The following MTAP variants were observed in gnomAD, a reference collection of about 807,000 sequenced individuals.
MTAP encodes the protein S-methyl-5'-thioadenosine phosphorylase.
MTAP carries 33 observed loss-of-function variants against 33.6 expected under a neutral mutation model. That is an observed-to-expected ratio of 0.98 (90% CI 0.74 to 1.31). The LOEUF (loss-of-function observed/expected upper bound fraction) is 1.31, where lower values mean the gene tolerates loss of function less well. Among genes scored for constraint, MTAP ranks in the 40% most tolerant of loss-of-function variants. The pLI, the probability that MTAP is intolerant of heterozygous loss-of-function variation, is 0.00. For synonymous variants in MTAP, 148 were observed against 125.7 expected (o/e 1.18, Z -1.19); for missense variants, 367 against 360.0 (o/e 1.02, Z -0.16).
At chr9:21,867,210 C>A (rs1825866362), downstream of MTAP, 1 of 152,134 alleles carries the variant, frequency 6.6e-6, no homozygotes, top group Non-Finnish European at 1.5e-5. Context: ...GGACCTTCAA[C>A]CTAATGTTGA....
In MTAP at chr9:21,862,249, TACA is replaced by T; in HGVS notation, c.*236_*238del. 9.1e-7 allele frequency: 1 copy of T among 1,094,456 alleles called. No homozygotes were observed. The allele number at this position is 1,094,456 out of a possible 1,614,324, so 67.8% of individuals were successfully genotyped here. A position where few individuals can be genotyped will look rare whatever the true frequency, so the allele number is the denominator to read the frequency against. On this transcript the variant is annotated 3_prime_UTR_variant, in exon 8 of 8. Coordinates refer to ENST00000644715, the MANE Select transcript of MTAP (RefSeq NM_002451.4). ...CTAGTAAACATGTGGGAAAAAATAT[TACA>T]TTTTAAGGGGGAAAAAAAAACCCAC...
In MTAP at chr9:21,862,096, G is replaced by C. The variant is rs1428764733; in HGVS notation, c.*82G>C. On this transcript the variant is annotated 3_prime_UTR_variant, in exon 8 of 8. Transcript: ENST00000644715. ...TTCCTGCTTAACTTGAAAAAAATAT[G>C]GGAAAGACATGCAGCTTTCATGCCC... 6.2e-7 allele frequency: 1 copy of C among 1,606,728 alleles called. No homozygotes were observed. The highest frequency in any genetic ancestry group is 2.2e-5 in the East Asian group (1 of 44,656).
intron 1 of MTAP, among the ~76,000 whole-genome samples, chr9:21,809,530 T>G (rs1312052622): frequency 1.3e-5 from 2 of 151,824 alleles, no homozygotes; most frequent in African/African-American, 4.8e-5. Context: ...TCCCAGCTAC[T>G]TGGGAGACTA....
At chr9:21,808,355 T>C (rs1306249772) in intron 1 of MTAP, among the ~76,000 whole-genome samples, 3 of 150,370 alleles carry the variant, frequency 2.0e-5, no homozygotes, top group Non-Finnish European at 4.4e-5. Context: ...GAGGCTGAGG[T>C]GGATAGACTG....
intron 1 of MTAP, chr9:21,930,057 G>T: frequency 4.6e-6 from 2 of 436,112 alleles, no homozygotes; most frequent in Non-Finnish European, 9.0e-6. Context: ...AGCTCATGCA[G>T]TACTTGAAAT....
intron 1 of MTAP, 60 bp from the exon 2 acceptor site, chr9:21,815,373 A>G (rs1824448836): frequency 1.7e-6 from 2 of 1,203,098 alleles, no homozygotes; most frequent in African/African-American, 1.6e-5. Flanking sequence ...TTTGCTTAGA[A>G]TCTTATTTCT....
chr9:21,811,997 G>T (rs564956002), intron 1 of MTAP: 5 of 291,494 alleles, frequency 1.7e-5, no homozygotes, highest in South Asian at 1.4e-4. Flanking sequence ...TGGACATGTG[G>T]CCCCTGAACA....
chr9:21,890,722 C>T (rs1227448554), intron 1 of MTAP, among the ~76,000 whole-genome samples: 1 of 152,128 alleles, frequency 6.6e-6, no homozygotes, highest in Non-Finnish European at 1.5e-5. Context: ...TCTGAATTTT[C>T]AGGTTCCCCA....
intron 1 of MTAP, among the ~76,000 whole-genome samples, chr9:21,814,837 T>C (rs1824438123): frequency 6.6e-6 from 1 of 152,248 alleles, no homozygotes; most frequent in South Asian, 2.1e-4. Context: ...AATGATTGTT[T>C]TCATAAATGT....
At position 21,862,084 on chromosome 9, in the gene MTAP, T is replaced by G; in HGVS notation, c.*70T>G. On this transcript the variant is annotated 3_prime_UTR_variant, in exon 8 of 8. Coordinates refer to ENST00000644715, the MANE Select transcript of MTAP (RefSeq NM_002451.4). ...TCATTTTGGGAATTCCTGCTTAACTTGAAAAAAATATGGGAAAGACATGCA... is the reference window on the plus strand; with the variant it reads ...TCATTTTGGGAATTCCTGCTTAACTGGAAAAAAATATGGGAAAGACATGCA... 2.5e-6 allele frequency: 4 copies of G among 1,605,988 alleles called. No homozygotes were observed. Among genetic ancestry groups the G allele is most frequent in the Non-Finnish European group, 3.4e-6 (4 of 1,177,480 alleles).
intron 4 of MTAP, among the ~76,000 whole-genome samples, chr9:21,824,019 T>G (rs542065414): frequency 4.3e-4 from 66 of 152,336 alleles, no homozygotes; most frequent in African/African-American, 1.6e-3. Flanking sequence ...TAATCTTTTT[T>G]CAAGGTTTTT....
chr9:21,843,363 G>C (rs1825299602), intron 5 of MTAP, among the ~76,000 whole-genome samples: 3 of 152,172 alleles, frequency 2.0e-5, no homozygotes. Context: ...CCTCAAGACA[G>C]AAAGTCAACA....
At position 21,859,269 on chromosome 9, in the gene MTAP, G is replaced by T. The variant is rs769458744; in HGVS notation, c.691-34G>T. On this transcript the variant is annotated intron_variant, in intron 6 of 7. Coordinates refer to ENST00000644715, the MANE Select transcript of MTAP (RefSeq NM_002451.4). Reference sequence around the variant, plus strand: ...TTTATGACAAGCAGTGGAATTTTAAGTTCTAGTAACCTCCAGTGCTATTGT... The same window carrying T: ...TTTATGACAAGCAGTGGAATTTTAATTTCTAGTAACCTCCAGTGCTATTGT... 1.8e-5 allele frequency: 28 copies of T among 1,578,938 alleles called. No homozygotes were observed. The South Asian group carries it at 3.3e-4, about 19-fold the overall frequency.
chr9:21,838,493 C>T (rs1825163880), intron 5 of MTAP, among the ~76,000 whole-genome samples: 1 of 152,194 alleles, frequency 6.6e-6, no homozygotes, highest in Admixed American at 6.5e-5. Context: ...AGTCTCTGAA[C>T]CATGCCTGTC....
intron 1 of MTAP, chr9:21,931,002 C>A (rs755275807): frequency 7.9e-6 from 6 of 762,210 alleles, no homozygotes; most frequent in Non-Finnish European, 1.4e-5. Context: ...TTTCTCTCAC[C>A]TTTAGATGAT....
chr9:21,814,207 TTG>T (rs1554641802), intron 1 of MTAP, among the ~76,000 whole-genome samples: 1 of 152,202 alleles, frequency 6.6e-6, no homozygotes, highest in Non-Finnish European at 1.5e-5. Flanking sequence ...GTTGCTTTTT[TTG>T]TGTGTGTGTT....
At chr9:21,887,629 T>C (rs1818134058) in intron 1 of MTAP, among the ~76,000 whole-genome samples, 1 of 152,236 alleles carries the variant, frequency 6.6e-6, no homozygotes, top group African/African-American at 2.4e-5. Context: ...ATATACCCAG[T>C]AATGGGATGG....
intron 1 of MTAP, among the ~76,000 whole-genome samples, chr9:21,910,832 C>G (rs1160436588): frequency 6.6e-6 from 1 of 152,078 alleles, no homozygotes; most frequent in Non-Finnish European, 1.5e-5. Context: ...CTATTAGCAA[C>G]CACTCTTCAA....
At chr9:21,838,102 C>A in intron 5 of MTAP, 92 bp downstream of exon 5, 1 of 944,742 alleles carries the variant, frequency 1.1e-6, no homozygotes. Context: ...CGAGTGGCCC[C>A]ATACCCTCAC....
Sources: allele counts gnomAD v4.1 joint callset (sites outside exome capture counted in the v4.1 genomes callset), GRCh38; gene constraint gnomAD v4.1.1; transcripts MANE v1.5; gene names NCBI Gene and HGNC (gene_info 2026-07-23, HGNC 2026-07-21).